Variants in MET observed in about 807,000 individuals in gnomAD.
MET encodes MET proto-oncogene, receptor tyrosine kinase.
Under a neutral mutation model 133.1 loss-of-function variants are expected in MET, and 48 were observed. The ratio of observed to expected loss-of-function variants is 0.36; its 90% CI spans 0.29 to 0.46. The LOEUF (loss-of-function observed/expected upper bound fraction) is 0.46, where lower values mean the gene tolerates loss of function less well. Ranked by LOEUF, MET falls within the 20% of genes least tolerant of loss-of-function variation. The pLI is 1.00. For synonymous variants in MET, 628 were observed against 616.5 expected, an observed-to-expected ratio of 1.02 and a Z score of -0.28; for missense variants, 1,442 against 1,695.9, an observed-to-expected ratio of 0.85 and a Z score of 2.63.
At chr7:116,778,655 A>G (rs1240694645) in intron 16 of MET, 121 bp from the exon 17 acceptor site, 3 of 1,067,714 alleles carry the variant, frequency 2.8e-6, no homozygotes, top group East Asian at 2.5e-5. Context: ...TCTGCAGTCA[A>G]ACCCTCAGGA....
At chr7:116,742,591 A>G (rs1426996276) in intron 5 of MET, among the ~76,000 whole-genome samples, 1 of 152,220 alleles carries the variant, frequency 6.6e-6, no homozygotes, top group Non-Finnish European at 1.5e-5. Flanking sequence ...TACAAATGAA[A>G]CATTTAATTT....
chr7:116,732,500 G>A lies in MET; in HGVS notation c.1392+641G>A, dbSNP rs187560434. Among the ~76,000 whole-genome samples the A allele has an allele frequency of 2.0e-4, 30 of 152,266 alleles. No individual in the cohort carries two copies. The East Asian group carries it at 5.6e-3, about 28-fold the overall frequency. ...CTAGATACAAGAACCATAGCACTTT[G>A]CAGAAATTAAAAGACTCTCTTGTTG... On this transcript the variant is annotated intron_variant, in intron 3 of 20. Transcript: ENST00000397752.
In MET at chr7:116,796,918, C is replaced by G. The variant is rs913994505; in HGVS notation, c.*794C>G. On this transcript the variant is annotated 3_prime_UTR_variant, in exon 21 of 21. Coordinates refer to ENST00000397752, the MANE Select transcript of MET (RefSeq NM_000245.4). ...ACAGGCATGAGCCACTGCGCCCAGC[C>G]CTTATAAATTTTTGTATAGACATTC... The G allele has an allele frequency of 5.6e-6, 1 of 177,814 alleles. No individual in the cohort carries two copies. Among genetic ancestry groups the G allele is most frequent in the Non-Finnish European group, 1.2e-5 (1 of 82,648 alleles). 11.0% of individuals were successfully genotyped at this position (177,814 alleles called of 1,614,324 possible).
chr7:116,736,045 T>C (rs562244458), intron 3 of MET, among the ~76,000 whole-genome samples: 91 of 152,280 alleles, frequency 6.0e-4, no homozygotes, highest in Non-Finnish European at 1.2e-3. Flanking sequence ...CCCAAAGTGC[T>C]GGGATTACAG....
intron 16 of MET, among the ~76,000 whole-genome samples, chr7:116,777,677 AG>A (rs1795036582): frequency 6.6e-6 from 1 of 152,194 alleles, no homozygotes; most frequent in Non-Finnish European, 1.5e-5. Context: ...CTCATTAGTA[AG>A]GGGGTAGGAG....
chr7:116,755,810 A>G (rs1672521299), intron 6 of MET, among the ~76,000 whole-genome samples: 1 of 152,210 alleles, frequency 6.6e-6, no homozygotes, highest in African/African-American at 2.4e-5. Flanking sequence ...TTGCAAGAGT[A>G]GCACTAGTTG....
chr7:116,746,002 A>C (rs906975930), intron 5 of MET, among the ~76,000 whole-genome samples: 5 of 152,200 alleles, frequency 3.3e-5, no homozygotes, highest in Admixed American at 1.3e-4. Flanking sequence ...CAACCTACAG[A>C]ATGGGAGAAA....
Position 116,720,159 on chromosome 7 carries a change from C to A in MET, c.1201-11509C>A, listed in dbSNP as rs566945822. Among the ~76,000 whole-genome samples, 251 of 151,362 alleles carry A rather than the reference C, an allele frequency of 1.7e-3. 2 individuals are homozygous for A. The highest frequency in any genetic ancestry group is 5.8e-3 in the African/African-American group (238 of 41,198). ...ATTTGTTTGTATCCTCTTTTATTTC[C>A]TTGAGCAGTGGTTTGTAGTTCTCCT... On this transcript the variant is annotated intron_variant, in intron 2 of 20. Coordinates refer to ENST00000397752, the MANE Select transcript of MET (RefSeq NM_000245.4).
chr7:116,726,949 A>G (rs1222334053), intron 2 of MET, among the ~76,000 whole-genome samples: 4 of 152,182 alleles, frequency 2.6e-5, no homozygotes, highest in Non-Finnish European at 4.4e-5. Context: ...ACTGTGGACC[A>G]GGCTGAGCAG....
chr7:116,792,951 T>C (rs187380750), intron 19 of MET, among the ~76,000 whole-genome samples: 10 of 152,314 alleles, frequency 6.6e-5, no homozygotes, highest in Admixed American at 3.3e-4. Context: ...ATATGACAAA[T>C]ACACTCTTTC....
rs1795079581 is a variant in MET, at chr7:116,779,108, A to G, written c.3522+151A>G. 8.7e-6 allele frequency: 7 copies of G among 806,026 alleles called. No individual in the cohort carries two copies. In the Admixed American group the frequency reaches 1.2e-4, roughly 14 times the overall value. The allele number at this position is 806,026 out of a possible 1,614,324, so 49.9% of individuals were successfully genotyped here. A position where few individuals can be genotyped will look rare whatever the true frequency, so the allele number is the denominator to read the frequency against. On this transcript the variant is annotated intron_variant, in intron 17 of 20. Coordinates refer to ENST00000397752, the MANE Select transcript of MET (RefSeq NM_000245.4). ...ATTCAAATGCACCTCAAAGTCTTCTATCCTGGTGGGAAATAGTGACACCTG... is the reference window on the plus strand; with the variant it reads ...ATTCAAATGCACCTCAAAGTCTTCTGTCCTGGTGGGAAATAGTGACACCTG...
intron 1 of MET, among the ~76,000 whole-genome samples, chr7:116,688,647 T>C (rs1796662405): frequency 6.6e-6 from 1 of 152,236 alleles, no homozygotes; most frequent in Non-Finnish European, 1.5e-5. Context: ...CAACCATTCT[T>C]AAAAGGACAA....
chr7:116,781,294 AGGGTGTGCCTCCTC>A (rs1387985036), intron 17 of MET, among the ~76,000 whole-genome samples: 1 of 152,156 alleles, frequency 6.6e-6, no homozygotes, highest in African/African-American at 2.4e-5. Context: ...CCTGCATGAC[AGGGTGTGCCTCCTC>A]CTCTTGCAAA....
At chr7:116,785,077 A>G (rs1290449854) in intron 19 of MET, among the ~76,000 whole-genome samples, 1 of 152,204 alleles carries the variant, frequency 6.6e-6, no homozygotes, top group African/African-American at 2.4e-5. Context: ...AAGCTCCAAA[A>G]TAATTTTTTT....
chr7:116,674,980 A>G (rs1221760044), intron 1 of MET, among the ~76,000 whole-genome samples: 3 of 152,244 alleles, frequency 2.0e-5, no homozygotes, highest in African/African-American at 4.8e-5. Context: ...TAGAAACTCA[A>G]GTGTCCGGAA....
At chr7:116,691,584 G>A (rs929686930) in intron 1 of MET, among the ~76,000 whole-genome samples, 3 of 152,158 alleles carry the variant, frequency 2.0e-5, no homozygotes, top group Non-Finnish European at 4.4e-5. Context: ...TTAAGACATG[G>A]CTGGATACAG....
chr7:116,765,139 A>C (rs1469375833), intron 11 of MET, among the ~76,000 whole-genome samples: 2 of 151,986 alleles, frequency 1.3e-5, no homozygotes, highest in Admixed American at 1.3e-4. Flanking sequence ...ATCTCCACTA[A>C]AAATACAAAA....
At position 116,755,426 on chromosome 7, in the gene MET, G is replaced by A. The variant is rs2116909760; in HGVS notation, c.1773G>A (p.Arg591=). 2 of 1,614,110 alleles carry A rather than the reference G, an allele frequency of 1.2e-6. No homozygotes were observed. The highest frequency in any genetic ancestry group is 8.5e-7 in the Non-Finnish European group (1 of 1,180,016). ...LTICGWDFGF[R]RNNKFDLKKT... ...TATGTGGCTGGGACTTTGGATTTCG[G>A]AGGAATAATAAATTTGATTTAAAGA... Residue 591 remains arginine, a synonymous_variant, in exon 6 of 21, where the codon CGG becomes CGA. Coordinates refer to ENST00000397752, the MANE Select transcript of MET (RefSeq NM_000245.4).
At chr7:116,716,432 GAAA>G (rs1229591207) in intron 2 of MET, among the ~76,000 whole-genome samples, 3 of 143,870 alleles carry the variant, frequency 2.1e-5, no homozygotes, top group Non-Finnish European at 4.5e-5. Flanking sequence ...AGGAAGGAAA[GAAA>G]GAAGGAAAGA....
Sources: gnomAD v4.1 joint callset for allele counts (sites outside exome capture counted in the v4.1 genomes callset) on GRCh38, gnomAD v4.1.1 for gene constraint, MANE v1.5 for transcripts, NCBI Gene and HGNC (gene_info 2026-07-23, HGNC 2026-07-21) for gene names.